ADCY3: variants seen among roughly 807,000 people sequenced by gnomAD.
The protein encoded by ADCY3 is adenylate cyclase type 3.
Under a neutral mutation model 119.4 loss-of-function variants are expected in ADCY3, and 70 were observed. The ratio of observed to expected loss-of-function variants is 0.59; its 90% CI spans 0.48 to 0.72. The LOEUF (loss-of-function observed/expected upper bound fraction) is 0.72. Ranked by LOEUF, ADCY3 falls within the 30% of genes least tolerant of loss-of-function variation. ADCY3 has a pLI of 0.00. For missense variants in ADCY3, 1,238 were observed against 1,541.6 expected, an observed-to-expected ratio of 0.80 and a Z score of 3.30; for synonymous variants, 672 against 621.4, an observed-to-expected ratio of 1.08 and a Z score of -1.21.
chr2:24,826,367 C>G, intron 15 of ADCY3: 1 of 489,290 alleles, frequency 2.0e-6, no homozygotes, highest in Non-Finnish European at 3.7e-6. Context: ...GTATTCACAT[C>G]AGGGCTGCTC....
chr2:24,919,987 G>T lies in ADCY3; in HGVS notation c.-502C>A, dbSNP rs1664910074. On this transcript the variant is annotated 5_prime_UTR_variant, in exon 1 of 22. Transcript: ENST00000679454. The surrounding 1 kb of genome is among the most constrained non-coding windows in gnomAD (Gnocchi z 5.5). ...CTGGGGCTGAGGCTCAGGGGCAGGG[G>T]CCGTGCGGGGGCCGGCAGGCGCGGG... The T allele has an allele frequency of 6.7e-6, 1 of 149,150 alleles. No individual in the cohort carries two copies. The highest frequency in any genetic ancestry group is 2.4e-5 in the African/African-American group (1 of 41,048). 9.2% of individuals were successfully genotyped at this position (149,150 alleles called of 1,614,324 possible).
In ADCY3 at chr2:24,918,208, G is replaced by T; in HGVS notation, c.675+105C>A. On this transcript the variant is annotated intron_variant, in intron 2 of 21. Transcript: ENST00000679454. The surrounding 1 kb of genome is among the most constrained non-coding windows in gnomAD (Gnocchi z 5.4). ...AGGTGAGAGCCCCGGAGGCCCCCAG[G>T]ACACATTTTGACTCAAAGGCAAAGC... 1 of 1,306,952 alleles carries T rather than the reference G, an allele frequency of 7.7e-7. No individual in the cohort carries two copies. Among genetic ancestry groups the T allele is most frequent in the Non-Finnish European group, 1.0e-6 (1 of 953,810 alleles). The allele number at this position is 1,306,952 out of a possible 1,614,324, so 81.0% of individuals were successfully genotyped here.
intron 9 of ADCY3, among the ~76,000 whole-genome samples, chr2:24,835,240 C>G (rs1482648220): frequency 1.3e-5 from 2 of 152,160 alleles, no homozygotes; most frequent in East Asian, 3.9e-4. Flanking sequence ...GAGCAGGAGA[C>G]CTGTAATCGG....
At chr2:24,877,132 A>G (rs908491328) in intron 2 of ADCY3, among the ~76,000 whole-genome samples, 1 of 152,110 alleles carries the variant, frequency 6.6e-6, no homozygotes, top group Non-Finnish European at 1.5e-5. Flanking sequence ...TCCCCCACAC[A>G]TGGCCCTGCC....
chr2:24,845,989 G>T (rs1572873099), intron 3 of ADCY3, among the ~76,000 whole-genome samples: 1 of 152,236 alleles, frequency 6.6e-6, no homozygotes, highest in South Asian at 2.1e-4. Flanking sequence ...TAAGCCTGTG[G>T]GCACACAGAA....
chr2:24,835,750 A>G (rs1349689377), intron 9 of ADCY3, among the ~76,000 whole-genome samples: 2 of 152,128 alleles, frequency 1.3e-5, no homozygotes, highest in Non-Finnish European at 2.9e-5. Context: ...AGACTGGCCA[A>G]CATAGTGAAA....
intron 2 of ADCY3, among the ~76,000 whole-genome samples, chr2:24,894,538 C>G (rs1190746958): frequency 6.6e-6 from 1 of 152,014 alleles, no homozygotes; most frequent in Non-Finnish European, 1.5e-5. Context: ...TTCATTTCTC[C>G]CCTCCTGTCC....
chr2:24,908,938 C>G (rs968433208), intron 2 of ADCY3, among the ~76,000 whole-genome samples: 1 of 152,154 alleles, frequency 6.6e-6, no homozygotes, highest in Non-Finnish European at 1.5e-5. Flanking sequence ...ATTCTAAGCC[C>G]CCTTCCTTTT....
rs1671153468 is a variant in ADCY3, at chr2:24,842,605, G to C, written c.826-221C>G. 1 of 554,998 alleles carries C rather than the reference G, an allele frequency of 1.8e-6. No individual in the cohort carries two copies. The highest frequency in any genetic ancestry group is 3.2e-6 in the Non-Finnish European group (1 of 312,466). 34.4% of individuals were successfully genotyped at this position (554,998 alleles called of 1,614,324 possible). A position where few individuals can be genotyped will look rare whatever the true frequency, so the allele number is the denominator to read the frequency against. On this transcript the variant is annotated intron_variant, in intron 3 of 21. Coordinates refer to ENST00000679454, the MANE Select transcript of ADCY3 (RefSeq NM_004036.5). This position sits in a 1 kb window ranked among gnomAD's most constrained non-coding sequence, Gnocchi z 4.9. ...TGAGGGTGGCAATGGCCCCTTCAGA[G>C]CAACTGAGGGGAGCCAGAAACGCAG...
chr2:24,856,180 A>AGTGT (rs111720839), intron 3 of ADCY3, among the ~76,000 whole-genome samples: 3 of 151,526 alleles, frequency 2.0e-5, no homozygotes, highest in Non-Finnish European at 4.4e-5. Flanking sequence ...GAATGTGGAG[A>AGTGT]GTGTGTGTGT....
chr2:24,830,558 G>A, intron 13 of ADCY3, 151 bp downstream of exon 13: 1 of 624,804 alleles, frequency 1.6e-6, no homozygotes, highest in East Asian at 2.7e-5. Flanking sequence ...CCTTCCACTA[G>A]GTGGGGATGA....
chr2:24,909,770 T>C (rs1181046786), intron 2 of ADCY3, among the ~76,000 whole-genome samples: 2 of 152,198 alleles, frequency 1.3e-5, no homozygotes, highest in African/African-American at 2.4e-5. Context: ...ATCCCCCATG[T>C]GCCTCCTGGT....
chr2:24,823,956 A>G (rs189173089), intron 17 of ADCY3, among the ~76,000 whole-genome samples: 6 of 152,276 alleles, frequency 3.9e-5, no homozygotes, highest in African/African-American at 1.4e-4. Flanking sequence ...CGGCCTCCCA[A>G]AGTGCCGGGA....
In ADCY3 at chr2:24,898,803, A is replaced by G. The variant is rs1678581981; in HGVS notation, c.675+19510T>C. On this transcript the variant is annotated intron_variant, in intron 2 of 21. Coordinates refer to ENST00000679454, the MANE Select transcript of ADCY3 (RefSeq NM_004036.5). This position sits in a 1 kb window ranked among gnomAD's most constrained non-coding sequence, Gnocchi z 4.3. ...GACTGGGAGAACAAAAGCAAAATTT[A>G]CCACGCAACCAACAGCAGCTCAGCA... 6.6e-6 allele frequency among the ~76,000 whole-genome samples: 1 copy of G among 152,170 alleles called. No individual in the cohort carries two copies. The highest frequency in any genetic ancestry group is 1.5e-5 in the Non-Finnish European group (1 of 68,040).
At chr2:24,886,960 C>G (rs1015193674) in intron 2 of ADCY3, among the ~76,000 whole-genome samples, 2 of 152,228 alleles carry the variant, frequency 1.3e-5, no homozygotes, top group Admixed American at 6.5e-5. Flanking sequence ...AGTGACACCC[C>G]GTGGCTCACT....
Position 24,882,882 on chromosome 2 carries a change from C to A in ADCY3, c.676-10163G>T, listed in dbSNP as rs546534631. Among the ~76,000 whole-genome samples the A allele has an allele frequency of 8.8e-4, 134 of 152,130 alleles. 1 individual carries two copies. The highest frequency in any genetic ancestry group is 3.1e-3 in the African/African-American group (127 of 41,496). ...GACCAGCCTGGGCAACTTGGTGAAA[C>A]CCCGTCTCTACTAAAAATACAAAAA... On this transcript the variant is annotated intron_variant, in intron 2 of 21. Transcript: ENST00000679454.
rs543315290 is a variant in ADCY3, at chr2:24,867,245, G to A, written c.825+5325C>T. Among the ~76,000 whole-genome samples, 4 of 152,342 alleles carry A rather than the reference G, an allele frequency of 2.6e-5. No homozygotes were observed. In the East Asian group the frequency reaches 5.8e-4, roughly 22 times the overall value. On this transcript the variant is annotated intron_variant, in intron 3 of 21. Coordinates refer to ENST00000679454, the MANE Select transcript of ADCY3 (RefSeq NM_004036.5). ...GCATTTCAACAGGAATGAAGGAAGCGGGAAGGATAGTGAAATGCTTTTAAA... is the reference window on the plus strand; with the variant it reads ...GCATTTCAACAGGAATGAAGGAAGCAGGAAGGATAGTGAAATGCTTTTAAA...
intron 20 of ADCY3, chr2:24,821,049 C>CA: frequency 1.6e-6 from 1 of 606,900 alleles, no homozygotes. Context: ...CAGCCGCCAC[C>CA]CCCCCCCCAT....
chr2:24,820,748 G>C lies in ADCY3; in HGVS notation c.3228C>G (p.Ser1076=). The C allele has an allele frequency of 1.9e-6, 3 of 1,614,042 alleles. No homozygotes were observed. Among genetic ancestry groups the C allele is most frequent in the Non-Finnish European group, 2.5e-6 (3 of 1,179,982 alleles). The stretch of plus-strand genomic sequence containing the variant: ...CCTGAATGTTGCCCATGACCCCCGT[G>C]GACTCCATCCTGCTGGCTACATTGA... ...NTVNVASRME[S]TGVMGNIQVV... is the part of the protein sequence containing the mutation. Residue 1076 remains serine (S), a synonymous_variant, in exon 21 of 22, where the codon TCC becomes TCG. Transcript: ENST00000679454.
Sources: gnomAD v4.1 joint callset for allele counts (sites outside exome capture counted in the v4.1 genomes callset) on GRCh38, gnomAD v4.1.1 for gene constraint, Gnocchi (gnomAD v3.1) non-coding constraint, MANE v1.5 for transcripts, NCBI Gene and HGNC (gene_info 2026-07-23, HGNC 2026-07-21) for gene names.